Variants in TFRC observed in about 807,000 individuals in gnomAD.
TFRC encodes transferrin receptor protein 1.
A neutral mutation model predicts 85.8 loss-of-function variants in TFRC; 35 were observed. The observed-to-expected ratio is 0.41, with a 90% CI of 0.31 to 0.54. The LOEUF is 0.54. Among genes scored for constraint, TFRC ranks in the 20% least tolerant of loss-of-function variants. TFRC has a pLI of 0.31. For synonymous variants in TFRC, 362 were observed against 328.6 expected (o/e 1.10, Z -1.10); for missense variants, 828 against 921.5 (o/e 0.90, Z 1.31).
Position 196,076,616 on chromosome 3 carries a change from A to T in TFRC, c.36+448T>A, listed in dbSNP as rs1577255156. 4.8e-5 allele frequency among the ~76,000 whole-genome samples: 7 copies of T among 145,014 alleles called. No homozygotes were observed. The South Asian group carries it at 1.5e-3, about 32-fold the overall frequency. ...AGGCATGCGCCATGACACTCAGCTAATTTTTTTTTTTTTTGTATTTTTAGT... is the reference window on the plus strand; with the variant it reads ...AGGCATGCGCCATGACACTCAGCTATTTTTTTTTTTTTTTGTATTTTTAGT... On this transcript the variant is annotated intron_variant, in intron 2 of 18. Coordinates refer to ENST00000360110, the MANE Select transcript of TFRC (RefSeq NM_001128148.3).
Position 196,058,461 on chromosome 3 carries a change from A to G in TFRC, c.1596-96T>C, listed in dbSNP as rs977104719. 6.8e-6 allele frequency: 10 copies of G among 1,479,028 alleles called. No homozygotes were observed. In the African/African-American group the frequency reaches 8.4e-5, roughly 12 times the overall value. The allele number at this position is 1,479,028 out of a possible 1,614,324, so 91.6% of individuals were successfully genotyped here. On this transcript the variant is annotated intron_variant, in intron 15 of 18. Coordinates refer to ENST00000360110, the MANE Select transcript of TFRC (RefSeq NM_001128148.3). ...CATCCAAAATAAATTCTTTAGCTGAATATCTTTAGGTGTAAGTAAGTTCAA... is the reference window on the plus strand; with the variant it reads ...CATCCAAAATAAATTCTTTAGCTGAGTATCTTTAGGTGTAAGTAAGTTCAA...
At chr3:196,063,076 AAG>A (rs1217740992) in intron 11 of TFRC, 137 bp from the exon 12 acceptor site, 2 of 635,910 alleles carry the variant, frequency 3.1e-6, no homozygotes, top group Non-Finnish European at 5.3e-6. Context: ...TGAGCCAAAA[AAG>A]AAAAAAAAAA....
chr3:196,063,590 T>C (rs1382604040), intron 11 of TFRC, among the ~76,000 whole-genome samples: 2 of 151,730 alleles, frequency 1.3e-5, no homozygotes, highest in African/African-American at 4.8e-5. Flanking sequence ...AATGTGTGGG[T>C]GGGTAGGAGT....
chr3:196,073,055 A>ACAAACAAAC (rs1718358811), intron 4 of TFRC, among the ~76,000 whole-genome samples: 1 of 149,298 alleles, frequency 6.7e-6, no homozygotes, highest in Admixed American at 6.7e-5. Flanking sequence ...AAAAAAAAAA[A>ACAAACAAAC]AAAAACCCAC....
chr3:196,053,665 G>A (rs1419783574), intron 17 of TFRC, 107 bp from the exon 18 acceptor site: 37 of 1,397,626 alleles, frequency 2.6e-5, no homozygotes, highest in South Asian at 2.4e-4. Flanking sequence ...AAAGGAACTC[G>A]CAGATAAGCT....
At chr3:196,081,593 C>A (rs937189415) in intron 1 of TFRC, among the ~76,000 whole-genome samples, 2 of 152,220 alleles carry the variant, frequency 1.3e-5, no homozygotes, top group African/African-American at 4.8e-5. Flanking sequence ...TGCACCTTGG[C>A]TGCGCCCGCG....
At position 196,058,264 on chromosome 3, in the gene TFRC, A is replaced by G. The variant is rs772558216; in HGVS notation, c.1677+20T>C. 2 of 1,603,880 alleles carry G rather than the reference A, an allele frequency of 1.2e-6. No individual in the cohort carries two copies. Among genetic ancestry groups the G allele is most frequent in the Non-Finnish European group, 1.7e-6 (2 of 1,172,184 alleles). The stretch of plus-strand genomic sequence containing the variant: ...TTTAGAGAGCCTCTCTCCATTTGTC[A>G]TTTAAATGAACAGACTTACCTCGCA... On this transcript the variant is annotated intron_variant, in intron 16 of 18. Transcript: ENST00000360110.
At chr3:196,067,982 A>G (rs1717872560) in intron 8 of TFRC, 50 bp downstream of exon 8, 8 of 1,481,088 alleles carry the variant, frequency 5.4e-6, no homozygotes, top group Non-Finnish European at 7.5e-6. Context: ...CAGGAATCCA[A>G]GAACAACTCA....
chr3:196,079,383 G>T (rs142489236), intron 1 of TFRC, among the ~76,000 whole-genome samples: 1 of 151,966 alleles, frequency 6.6e-6, no homozygotes. Context: ...AGGCCGAGGC[G>T]AGCAGATCAC....
chr3:196,071,187 A>T (rs1327964186), intron 6 of TFRC, among the ~76,000 whole-genome samples: 1 of 152,258 alleles, frequency 6.6e-6, no homozygotes, highest in Non-Finnish European at 1.5e-5. Context: ...TGCTAGCAGT[A>T]CTATAAAGAA....
Position 196,079,077 on chromosome 3 carries a change from C to T in TFRC, c.-23-1955G>A, listed in dbSNP as rs181848424. Among the ~76,000 whole-genome samples the T allele has an allele frequency of 1.2e-4, 18 of 152,250 alleles. No individual in the cohort carries two copies. The East Asian group carries it at 3.3e-3, about 28-fold the overall frequency. ...CTTGATAAGAACATCCCAAGGAAATCGAAGGCGTGAGCCACTGCGCCCAGC... is the reference window on the plus strand; with the variant it reads ...CTTGATAAGAACATCCCAAGGAAATTGAAGGCGTGAGCCACTGCGCCCAGC... On this transcript the variant is annotated intron_variant, in intron 1 of 18. Coordinates refer to ENST00000360110, the MANE Select transcript of TFRC (RefSeq NM_001128148.3).
chr3:196,065,433 CGGT>C lies in TFRC; in HGVS notation c.1198+7_1198+9del. 6.7e-6 allele frequency: 2 copies of C among 299,804 alleles called. No individual in the cohort carries two copies. Among genetic ancestry groups the C allele is most frequent in the South Asian group, 6.1e-5 (1 of 16,340 alleles). 18.6% of individuals were successfully genotyped at this position (299,804 alleles called of 1,614,324 possible). Reference sequence around the variant, plus strand: ...AAAGCGGGGCGGGGGGGGGGGGGGGCGGTCTTTACCTGGTTCTACAAAGCCTTT... The same window carrying C: ...AAAGCGGGGCGGGGGGGGGGGGGGGCCTTTACCTGGTTCTACAAAGCCTTT... On this transcript the variant is annotated splice_region_variant and intron_variant, in intron 10 of 18. Transcript: ENST00000360110.
At chr3:196,056,707 C>T (rs1207841631) in intron 16 of TFRC, among the ~76,000 whole-genome samples, 1 of 152,134 alleles carries the variant, frequency 6.6e-6, no homozygotes, top group Non-Finnish European at 1.5e-5. Context: ...GGCCAAGCCT[C>T]ATTATTAAAA....
At chr3:196,066,266 C>CCTTGT (rs1717734423) in intron 9 of TFRC, among the ~76,000 whole-genome samples, 1 of 152,126 alleles carries the variant, frequency 6.6e-6, no homozygotes, top group African/African-American at 2.4e-5. Context: ...TCACCACTAA[C>CCTTGT]AAGGATAGTA....
intron 15 of TFRC, 103 bp from the exon 16 acceptor site, chr3:196,058,468 T>C (rs1717002474): frequency 2.1e-6 from 3 of 1,461,164 alleles, no homozygotes; most frequent in Admixed American, 1.8e-5. Flanking sequence ...TGAATATCTT[T>C]AGGTGTAAGT....
chr3:196,069,729 C>T, intron 6 of TFRC, 161 bp from the exon 7 acceptor site: 1 of 530,608 alleles, frequency 1.9e-6, no homozygotes, highest in Non-Finnish European at 3.3e-6. Flanking sequence ...AAAAACTTTA[C>T]AACTTTTAGG....
intron 18 of TFRC, 75 bp from the exon 19 acceptor site, chr3:196,052,259 T>C (rs1050160882): frequency 1.4e-6 from 2 of 1,407,782 alleles, no homozygotes; most frequent in Middle Eastern, 4.3e-4. Flanking sequence ...ACTTCAAATG[T>C]AAAATGTCCC....
At chr3:196,063,099 C>A (rs1366256820) in intron 11 of TFRC, 160 bp from the exon 12 acceptor site, 5 of 580,064 alleles carry the variant, frequency 8.6e-6, no homozygotes, top group East Asian at 6.0e-5. Flanking sequence ...CTAACAAAAT[C>A]TTTTTTTGAG....
chr3:196,069,339 T>G, intron 7 of TFRC, 116 bp downstream of exon 7: 6 of 668,162 alleles, frequency 9.0e-6, no homozygotes, highest in Non-Finnish European at 1.3e-5. Context: ...TTATCTGGTA[T>G]GAGAGTTTAA....
Sources: allele counts gnomAD v4.1 joint callset (sites outside exome capture counted in the v4.1 genomes callset), GRCh38; gene constraint gnomAD v4.1.1; transcripts MANE v1.5; gene names NCBI Gene and HGNC (gene_info 2026-07-23, HGNC 2026-07-21).